Variants in CCDC18 observed in about 807,000 individuals in gnomAD.
CCDC18 encodes coiled-coil domain-containing protein 18.
In CCDC18, 157 loss-of-function variants were observed where a neutral mutation model predicts 196.0. The observed-to-expected ratio is 0.80, with a 90% confidence interval of 0.70 to 0.91. The LOEUF (loss-of-function observed/expected upper bound fraction) is 0.91. Ranked by LOEUF, CCDC18 falls within the 40% of genes least tolerant of loss-of-function variation. The pLI, the probability that CCDC18 is intolerant of heterozygous loss-of-function variation, is 0.00. For missense variants in CCDC18, 1,465 were observed against 1,611.6 expected, an observed-to-expected ratio of 0.91 and a Z score of 1.56; for synonymous variants, 482 against 529.2, an observed-to-expected ratio of 0.91 and a Z score of 1.22.
intron 9 of CCDC18, among the ~76,000 whole-genome samples, chr1:93,208,943 C>T (rs529526965): frequency 2.2e-4 from 33 of 152,074 alleles, no homozygotes; most frequent in African/African-American, 7.7e-4. Flanking sequence ...GGATTATGGG[C>T]GTGAGCCACC....
At position 93,239,478 on chromosome 1, in the gene CCDC18, G is replaced by C. The variant is rs753376982; in HGVS notation, c.2767+5G>C. 6.2e-7 allele frequency: 1 copy of C among 1,606,924 alleles called. No individual in the cohort carries two copies. The highest frequency in any genetic ancestry group is 8.5e-7 in the Non-Finnish European group (1 of 1,177,406). On this transcript the variant is annotated splice_donor_5th_base_variant and intron_variant, in intron 20 of 28. Transcript: ENST00000690025. ...TAGAAAAGAAAACAAATGCTGGTAA[G>C]CAAGTGGTTAGATGAGTATAGCTGC...
At chr1:93,199,107 G>A (rs1653334076) in intron 6 of CCDC18, among the ~76,000 whole-genome samples, 1 of 152,190 alleles carries the variant, frequency 6.6e-6, no homozygotes. Flanking sequence ...GTTGCTTCAC[G>A]AGCCAGAAAC....
chr1:93,255,559 C>T (rs993704359), intron 24 of CCDC18, among the ~76,000 whole-genome samples: 2 of 152,046 alleles, frequency 1.3e-5, no homozygotes, highest in Admixed American at 1.3e-4. Flanking sequence ...AGCAGTGGGA[C>T]CCCTGTCTCT....
intron 23 of CCDC18, among the ~76,000 whole-genome samples, chr1:93,253,257 T>A (rs1242079077): frequency 6.6e-6 from 1 of 152,114 alleles, no homozygotes; most frequent in Non-Finnish European, 1.5e-5. Flanking sequence ...GGAGAACCTA[T>A]CTTGTTGGCC....
rs545281988 is a variant in CCDC18, at chr1:93,228,615, C to G, written c.2292+2166C>G. Among the ~76,000 whole-genome samples, 178 of 151,684 alleles carry G rather than the reference C, an allele frequency of 1.2e-3. 2 individuals are homozygous for G. The South Asian group carries it at 0.026, about 22-fold the overall frequency. ...TTTGACAGGCATATATTTTTCTACT[C>G]CAATACATAGAAACTAAATCATCTA... On this transcript the variant is annotated intron_variant, in intron 17 of 28. Transcript: ENST00000690025.
rs1557603593 is a variant in CCDC18, at chr1:93,191,992, T to TGTTTTAG, written c.463-3_466dup. On this transcript the variant is annotated splice_polypyrimidine_tract_variant and splice_region_variant and intron_variant, in intron 4 of 28. Coordinates refer to ENST00000690025, the MANE Select transcript of CCDC18 (RefSeq NM_001378204.1). The stretch of plus-strand genomic sequence containing the variant: ...GAAAGTACTATAAAAGTTGTTTTTA[T>TGTTTTAG]GTTTTAGGTTTCTATGCTTGAGTCT... 1 of 1,591,342 alleles carries TGTTTTAG rather than the reference T, an allele frequency of 6.3e-7. No individual in the cohort carries two copies. The highest frequency in any genetic ancestry group is 2.2e-5 in the East Asian group (1 of 44,764).
chr1:93,264,099 T>C (rs1297230928), intron 26 of CCDC18, among the ~76,000 whole-genome samples: 1 of 112,228 alleles, frequency 8.9e-6, no homozygotes. Context: ...ATGTCTTACA[T>C]GGTGGTGGGA....
chr1:93,192,935 A>G (rs902296400), intron 5 of CCDC18, among the ~76,000 whole-genome samples: 1 of 152,204 alleles, frequency 6.6e-6, no homozygotes, highest in African/African-American at 2.4e-5. Flanking sequence ...GAGGGGTTTC[A>G]CAAGTTCTGC....
chr1:93,215,059 C>T, intron 12 of CCDC18, 93 bp downstream of exon 12: 1 of 765,552 alleles, frequency 1.3e-6, no homozygotes, highest in Non-Finnish European at 2.0e-6. Flanking sequence ...ATGTTTACAT[C>T]CAGATTTAAA....
intron 6 of CCDC18, among the ~76,000 whole-genome samples, chr1:93,197,745 C>CTTTTTTTTTTTTTTTTT (rs71094240): frequency 2.6e-5 from 2 of 76,008 alleles, no homozygotes; most frequent in African/African-American, 1.0e-4. Context: ...CTTTTCTTTT[C>CTTTTTTTTTTTTTTTTT]TTTTTTTTTT....
chr1:93,180,464 C>A, upstream of CCDC18: 1 of 1,431,404 alleles, frequency 7.0e-7, no homozygotes, highest in South Asian at 1.3e-5. Context: ...GCAACCGCCT[C>A]AGTCTCGGCC....
chr1:93,246,985 T>C, intron 23 of CCDC18, 31 bp downstream of exon 23: 2 of 932,076 alleles, frequency 2.1e-6, no homozygotes, highest in South Asian at 3.0e-5. Context: ...GTATTTTAAA[T>C]TATTTTTTAA....
intron 19 of CCDC18, 27 bp downstream of exon 19, chr1:93,236,417 C>T (rs2100785378): frequency 6.4e-7 from 1 of 1,571,796 alleles, no homozygotes; most frequent in Non-Finnish European, 8.6e-7. Flanking sequence ...TTTTATTTAC[C>T]TTCCCACTTC....
At chr1:93,179,964 C>T (rs1365532011), upstream of CCDC18, 1 of 1,377,364 alleles carries the variant, frequency 7.3e-7, no homozygotes, top group South Asian at 1.4e-5. Context: ...ACCACCAGGG[C>T]CGTCCACCAG....
chr1:93,201,427 A>G (rs532406787), intron 6 of CCDC18, among the ~76,000 whole-genome samples: 109 of 152,276 alleles, frequency 7.2e-4, no homozygotes, highest in Non-Finnish European at 1.3e-3. Context: ...AGATTTTTAT[A>G]TCTGGTATCA....
At chr1:93,212,839 C>T in intron 11 of CCDC18, among the ~76,000 whole-genome samples, 1 of 152,056 alleles carries the variant, frequency 6.6e-6, no homozygotes, top group Non-Finnish European at 1.5e-5. Flanking sequence ...ATTTATTGTG[C>T]AATTTATTTA....
intron 25 of CCDC18, among the ~76,000 whole-genome samples, chr1:93,257,326 C>T (rs488646): frequency 0.2 from 29,675 of 150,076 alleles, 3,364 homozygotes; most frequent in African/African-American, 0.3. Flanking sequence ...GTTCAAAACC[C>T]TTGGTTGATA....
At chr1:93,245,714 A>G (rs1661413861) in intron 21 of CCDC18, among the ~76,000 whole-genome samples, 1 of 152,102 alleles carries the variant, frequency 6.6e-6, no homozygotes, top group Non-Finnish European at 1.5e-5. Flanking sequence ...GCCTCATTCA[A>G]TTGTAATGAA....
In CCDC18 at chr1:93,234,934, A is replaced by AGTGTGTGTGTGTGTGTGTGTGTGT. The variant is rs759186009; in HGVS notation, c.2461-1313_2461-1312insTGTGTGTGTGTGTGTGTGTGTGTG. Among the ~76,000 whole-genome samples the AGTGTGTGTGTGTGTGTGTGTGTGT allele has an allele frequency of 2.9e-4, 20 of 67,870 alleles. 1 individual carries two copies. The highest frequency in any genetic ancestry group is 2.2e-3 in the East Asian group (7 of 3,196). 44.5% of individuals were successfully genotyped at this position (67,870 alleles called of 152,430 possible). A position where few individuals can be genotyped will look rare whatever the true frequency, so the allele number is the denominator to read the frequency against. ...AAGTGCATACCACCATGCCCAGCTA[A>AGTGTGTGTGTGTGTGTGTGTGTGT]GAGTGTGTGTGTGTGTGTGTGTGTG... On this transcript the variant is annotated intron_variant, in intron 18 of 28. Transcript: ENST00000690025.
Sources: allele counts gnomAD v4.1 joint callset (sites outside exome capture counted in the v4.1 genomes callset), GRCh38; gene constraint gnomAD v4.1.1; transcripts MANE v1.5; gene names NCBI Gene and HGNC (gene_info 2026-07-23, HGNC 2026-07-21).